Variants in FBXO31 observed in about 807,000 individuals in gnomAD.
The protein encoded by FBXO31 is F-box protein 31, also known as F-box only protein 31.
Under a neutral mutation model 54.4 loss-of-function variants are expected in FBXO31, and 24 were observed. That is an observed-to-expected ratio of 0.44 (90% CI 0.32 to 0.62). The LOEUF is 0.62. Among genes scored for constraint, FBXO31 ranks in the 20% least tolerant of loss-of-function variants. FBXO31 has a pLI of 0.05. For synonymous variants in FBXO31, 388 were observed against 335.6 expected (o/e 1.16, Z -1.71); for missense variants, 665 against 787.1 (o/e 0.84, Z 1.86).
intron 1 of FBXO31, among the ~76,000 whole-genome samples, chr16:87,368,927 G>C (rs1014223319): frequency 3.3e-5 from 5 of 152,008 alleles, no homozygotes; most frequent in Non-Finnish European, 4.4e-5. Context: ...AGCCTACCAA[G>C]TAGCTGGGAT....
chr16:87,389,480 A>T (rs1258152132), intron 1 of FBXO31: 1 of 151,740 alleles, frequency 6.6e-6, no homozygotes, highest in Non-Finnish European at 1.5e-5. Flanking sequence ...AAAATATGAG[A>T]CTCTGCTTCC....
intron 1 of FBXO31, chr16:87,362,605 G>A (rs574965963): frequency 6.6e-6 from 1 of 152,484 alleles, no homozygotes; most frequent in Admixed American, 6.5e-5. Flanking sequence ...CTGTTGCCCA[G>A]GCTGAAGTGC....
chr16:87,350,629 C>G (rs1407184390), intron 2 of FBXO31, among the ~76,000 whole-genome samples: 1 of 152,168 alleles, frequency 6.6e-6, no homozygotes, highest in Non-Finnish European at 1.5e-5. Flanking sequence ...CAGGGATGGA[C>G]TGCTGGGCGG....
intron 2 of FBXO31, among the ~76,000 whole-genome samples, chr16:87,355,136 T>A (rs769147557): frequency 6.6e-6 from 1 of 152,092 alleles, no homozygotes; most frequent in Non-Finnish European, 1.5e-5. Flanking sequence ...GGCAGAAGGA[T>A]TGCTTGAAGC....
chr16:87,384,901 G>A (rs1417817380), upstream of FBXO31, among the ~76,000 whole-genome samples: 1 of 148,904 alleles, frequency 6.7e-6, no homozygotes, highest in Non-Finnish European at 1.5e-5. Flanking sequence ...ATGGCTGGGC[G>A]CGGTGGCTCA....
rs1192095401 is a variant in FBXO31, at chr16:87,383,514, C to T, written c.231G>A (p.Glu77=). 6.3e-7 allele frequency: 1 copy of T among 1,585,558 alleles called. No individual in the cohort carries two copies. The highest frequency in any genetic ancestry group is 2.4e-5 in the East Asian group (1 of 41,774). The stretch of plus-strand genomic sequence containing the variant: ...CCGTGCCCGGCAGCGACGCGAAGAT[C>T]TCCACCAGCAGCTCGGGCGGCAGCT... The part of the protein sequence containing the change: ...LLELPPELLV[E]IFASLPGTDL... The change falls in exon 1 of 9, where the codon GAG becomes GAA. Residue 77 remains glutamate, a synonymous_variant. Coordinates refer to ENST00000311635, the MANE Select transcript of FBXO31 (RefSeq NM_024735.5). The surrounding 1 kb of genome is among the most constrained non-coding windows in gnomAD (Gnocchi z 4.9).
intron 1 of FBXO31, chr16:87,367,431 C>T (rs1295085755): frequency 2.6e-5 from 4 of 152,078 alleles, no homozygotes; most frequent in African/African-American, 9.7e-5. Flanking sequence ...CATCAAGATT[C>T]CCAGGGGGGT....
intron 2 of FBXO31, among the ~76,000 whole-genome samples, chr16:87,350,399 CCA>C (rs1459955434): frequency 6.6e-6 from 1 of 152,140 alleles, no homozygotes; most frequent in African/African-American, 2.4e-5. Flanking sequence ...GCCAGCCATC[CCA>C]CACACAGACA....
chr16:87,335,883 C>T lies in FBXO31; in HGVS notation c.842+272G>A, dbSNP rs1458859737. On this transcript the variant is annotated intron_variant, in intron 6 of 8. Coordinates refer to ENST00000311635, the MANE Select transcript of FBXO31 (RefSeq NM_024735.5). This position sits in a 1 kb window ranked among gnomAD's most constrained non-coding sequence, Gnocchi z 5.7. ...CAGACACCCGGGTGAAGGATGGGGT[C>T]TGGGGCTGTGCCACAGCAGCTACAG... 6.6e-6 allele frequency among the ~76,000 whole-genome samples: 1 copy of T among 152,124 alleles called. No individual in the cohort carries two copies. Among genetic ancestry groups the T allele is most frequent in the African/African-American group, 2.4e-5 (1 of 41,414 alleles).
At chr16:87,384,531 C>T (rs1458881772), upstream of FBXO31, among the ~76,000 whole-genome samples, 1 of 152,190 alleles carries the variant, frequency 6.6e-6, no homozygotes, top group Non-Finnish European at 1.5e-5. Context: ...CACGCCTGCT[C>T]CAGCTGGGCT....
chr16:87,339,694 C>A (rs1395625361), intron 5 of FBXO31, among the ~76,000 whole-genome samples: 1 of 152,216 alleles, frequency 6.6e-6, no homozygotes, highest in Non-Finnish European at 1.5e-5. Flanking sequence ...GCACCCCATA[C>A]ACTGACCGTA....
At chr16:87,360,460 A>C (rs958483283) in intron 1 of FBXO31, 94 bp from the exon 2 acceptor site, 2 of 1,009,692 alleles carry the variant, frequency 2.0e-6, no homozygotes, top group African/African-American at 3.1e-5. Flanking sequence ...GGAGGTGCAC[A>C]CCTAGCCTCA....
chr16:87,387,259 A>G (rs1907354938), upstream of FBXO31, among the ~76,000 whole-genome samples: 1 of 152,214 alleles, frequency 6.6e-6, no homozygotes, highest in Non-Finnish European at 1.5e-5. Context: ...ACAGCTGAAT[A>G]CGTCCTTGGA....
Position 87,348,372 on chromosome 16 carries a change from T to A in FBXO31, c.413-1122A>T, listed in dbSNP as rs1012357834. Among the ~76,000 whole-genome samples, 12 of 152,340 alleles carry A rather than the reference T, an allele frequency of 7.9e-5. No individual in the cohort carries two copies. The East Asian group carries it at 2.3e-3, about 29-fold the overall frequency. On this transcript the variant is annotated intron_variant, in intron 2 of 8. Transcript: ENST00000311635. ...GTCTGCCTCGACTTCACCACCACTG[T>A]TAGTTCCCATCATTCGGGAAGCCTT...
At chr16:87,356,874 C>A (rs912368175) in intron 2 of FBXO31, among the ~76,000 whole-genome samples, 1 of 152,128 alleles carries the variant, frequency 6.6e-6, no homozygotes, top group Admixed American at 6.5e-5. Context: ...GCTTTTAGGG[C>A]AGGTAGGTGT....
intron 1 of FBXO31, among the ~76,000 whole-genome samples, chr16:87,365,010 A>AATAT (rs55746745): frequency 0.028 from 1,345 of 47,626 alleles, 331 homozygotes; most frequent in African/African-American, 0.11. Context: ...CCGTCTCTTA[A>AATAT]ATATATATAT....
chr16:87,333,581 G>T (rs897423726), intron 8 of FBXO31, among the ~76,000 whole-genome samples: 1 of 152,212 alleles, frequency 6.6e-6, no homozygotes, highest in African/African-American at 2.4e-5. Flanking sequence ...AGAAGCCCCT[G>T]GGGGAGCGGC....
intron 1 of FBXO31, among the ~76,000 whole-genome samples, chr16:87,369,646 A>G (rs974573909): frequency 3.9e-5 from 6 of 152,196 alleles, no homozygotes; most frequent in Admixed American, 2.6e-4. Context: ...AGGTGTCAAG[A>G]TATCTGAGTC....
At chr16:87,337,120 C>G (rs72804091) in intron 5 of FBXO31, among the ~76,000 whole-genome samples, 2 of 152,210 alleles carry the variant, frequency 1.3e-5, no homozygotes, top group East Asian at 1.9e-4. Flanking sequence ...ATGGTCAACA[C>G]AGAAGCCACC....
Sources: gnomAD v4.1 joint callset for allele counts (sites outside exome capture counted in the v4.1 genomes callset) on GRCh38, gnomAD v4.1.1 for gene constraint, Gnocchi (gnomAD v3.1) non-coding constraint, MANE v1.5 for transcripts, NCBI Gene and HGNC (gene_info 2026-07-23, HGNC 2026-07-21) for gene names.